Variants in TRPV5 observed in about 807,000 individuals in gnomAD.
The protein encoded by TRPV5 is transient receptor potential cation channel subfamily V member 5.
In TRPV5, 66 loss-of-function variants were observed where a neutral mutation model predicts 74.1. The ratio of observed to expected loss-of-function variants is 0.89; its 90% CI spans 0.73 to 1.09. TRPV5 has a LOEUF of 1.09. Ranked by LOEUF, TRPV5 falls within the 50% of genes least tolerant of loss-of-function variation. The pLI is 0.00. For synonymous variants in TRPV5, 399 were observed against 360.7 expected (o/e 1.11, Z -1.20); for missense variants, 936 against 930.4 (o/e 1.01, Z -0.08).
At position 142,925,747 on chromosome 7, in the gene TRPV5, A is replaced by C; in HGVS notation, c.910-6T>G. 1.2e-6 allele frequency: 2 copies of C among 1,612,860 alleles called. No homozygotes were observed. Among genetic ancestry groups the C allele is most frequent in the Non-Finnish European group, 1.7e-6 (2 of 1,179,346 alleles). On this transcript the variant is annotated splice_region_variant and splice_polypyrimidine_tract_variant and intron_variant, in intron 7 of 14. Transcript: ENST00000265310. ...TGTTCCAGAATTTGGCGAGCCTGGC[A>C]TGGAAGTAGAGTGAAACTTGGGGTG...
At chr7:142,910,483 A>G (rs1375576319) in intron 13 of TRPV5, among the ~76,000 whole-genome samples, 1 of 152,198 alleles carries the variant, frequency 6.6e-6, no homozygotes, top group Non-Finnish European at 1.5e-5. Flanking sequence ...CATACTGGGG[A>G]CTATTCTAGT....
rs4252386 is a variant in TRPV5, at chr7:142,931,841, A to G, written c.129-1395T>C. 4.8e-3 allele frequency among the ~76,000 whole-genome samples: 723 copies of G among 152,188 alleles called. 4 individuals are homozygous for G. Among genetic ancestry groups the G allele is most frequent in the African/African-American group, 0.016 (685 of 41,530 alleles). ...CTCAGCCTCCCGAGTAGCTGGGACT[A>G]CAGGTGCCCACCACCATGCCTGACT... On this transcript the variant is annotated intron_variant, in intron 1 of 14. Coordinates refer to ENST00000265310, the MANE Select transcript of TRPV5 (RefSeq NM_019841.7).
intron 3 of TRPV5, 69 bp downstream of exon 3, chr7:142,929,989 A>C: frequency 1.2e-6 from 2 of 1,609,634 alleles, no homozygotes; most frequent in Non-Finnish European, 1.7e-6. Flanking sequence ...TCAGAGGCCA[A>C]TTTTAAGAGA....
At chr7:142,909,318 C>A (rs111335833) in intron 14 of TRPV5, among the ~76,000 whole-genome samples, 172 bp downstream of exon 14, 12 of 152,280 alleles carry the variant, frequency 7.9e-5, no homozygotes, top group East Asian at 1.9e-4. Context: ...TGCACACAAC[C>A]TTTTACACGT....
At chr7:142,918,226 T>C (rs1795829411) in intron 8 of TRPV5, among the ~76,000 whole-genome samples, 1 of 152,228 alleles carries the variant, frequency 6.6e-6, no homozygotes, top group African/African-American at 2.4e-5. Context: ...TTCAAGATTT[T>C]TTTTTCTAGA....
intron 8 of TRPV5, chr7:142,925,234 C>A (rs867653240): frequency 3.5e-6 from 2 of 569,988 alleles, no homozygotes; most frequent in African/African-American, 1.9e-5. Flanking sequence ...CACTAAAAAA[C>A]CCTGATACTT....
intron 1 of TRPV5, 140 bp downstream of exon 1, chr7:142,933,192 G>T: frequency 8.4e-7 from 1 of 1,191,994 alleles, no homozygotes; most frequent in Non-Finnish European, 1.2e-6. Flanking sequence ...TAATTAGGTG[G>T]GCTGGAAGGA....
At chr7:142,921,449 T>C (rs1795884671) in intron 8 of TRPV5, among the ~76,000 whole-genome samples, 3 of 152,008 alleles carry the variant, frequency 2.0e-5, no homozygotes, top group Admixed American at 2.0e-4. Context: ...GCCTGGCTAA[T>C]TTTTTGTATT....
intron 1 of TRPV5, 89 bp downstream of exon 1, chr7:142,933,243 A>T: frequency 1.3e-6 from 2 of 1,514,832 alleles, no homozygotes; most frequent in Non-Finnish European, 1.8e-6. Flanking sequence ...ATACACTTCT[A>T]GGGTGCTGTA....
intron 8 of TRPV5, among the ~76,000 whole-genome samples, chr7:142,921,232 A>T (rs1795881353): frequency 2.0e-5 from 3 of 152,162 alleles, no homozygotes; most frequent in Admixed American, 6.5e-5. Context: ...CCTGATGCCA[A>T]TCCCTTCCCT....
intron 9 of TRPV5, 33 bp from the exon 10 acceptor site, chr7:142,915,416 G>T (rs777054476): frequency 6.2e-7 from 1 of 1,609,518 alleles, no homozygotes; most frequent in South Asian, 1.1e-5. Flanking sequence ...AAAATACAAT[G>T]TGGACTGCGG....
chr7:142,933,413 T>C lies in TRPV5; in HGVS notation c.47A>G (p.Gln16Arg). 6.2e-7 allele frequency: 1 copy of C among 1,614,200 alleles called. No individual in the cohort carries two copies. The highest frequency in any genetic ancestry group is 1.1e-5 in the South Asian group (1 of 91,082). ...PKAEGPGSQL[Q>R]KLLPSFLVRE... ...GACCAGAAAGGAGGGCAGAAGTTTC[T>C]GGAGTTGGCTCCCGGGCCCTTCTGC... is the stretch of plus-strand genomic sequence containing the variant. The change falls in exon 1 of 15, where the codon CAG (glutamine) becomes CGG (arginine). Residue 16 changes from glutamine to arginine, a missense_variant. By Grantham distance (43) the Gln-to-Arg change is conservative. Transcript: ENST00000265310.
chr7:142,928,326 T>G (rs1796023985), intron 6 of TRPV5, 92 bp from the exon 7 acceptor site: 1 of 1,355,812 alleles, frequency 7.4e-7, no homozygotes, highest in Admixed American at 1.7e-5. Flanking sequence ...TGCCCACCCC[T>G]TGAGACAGAC....
rs1454621999 is a variant in TRPV5 at position 142,908,373 on chromosome 7, T to C, written c.*141A>G. The C allele has an allele frequency of 3.4e-6, 3 of 884,998 alleles. No homozygotes were observed. Among genetic ancestry groups the C allele is most frequent in the Non-Finnish European group, 5.2e-6 (3 of 578,104 alleles). The allele number at this position is 884,998 out of a possible 1,614,324, so 54.8% of individuals were successfully genotyped here. A position where few individuals can be genotyped will look rare whatever the true frequency, so the allele number is the denominator to read the frequency against. On this transcript the variant is annotated 3_prime_UTR_variant, in exon 15 of 15. Transcript: ENST00000265310. ...AAATTCTGATGTGAAGTGTGAGGCATGACCCTTTAGGGATTGTTCTGTCTC... is the reference window on the plus strand; with the variant it reads ...AAATTCTGATGTGAAGTGTGAGGCACGACCCTTTAGGGATTGTTCTGTCTC...
rs1296679950 is a variant in TRPV5 at position 142,908,176 on chromosome 7, C to T, written c.*338G>A. On this transcript the variant is annotated 3_prime_UTR_variant, in exon 15 of 15. Coordinates refer to ENST00000265310, the MANE Select transcript of TRPV5 (RefSeq NM_019841.7). ...AAGCCCTGGGGAGCCAGAAAAGCCT[C>T]ACAGCTTACTACTTTCTAGGGGCTG... 3 of 334,550 alleles carry T rather than the reference C, an allele frequency of 9.0e-6. No individual in the cohort carries two copies. The highest frequency in any genetic ancestry group is 4.2e-5 in the African/African-American group (2 of 48,042). 20.7% of individuals were successfully genotyped at this position (334,550 alleles called of 1,614,324 possible).
In TRPV5 at chr7:142,914,895, T is replaced by C. The variant is rs1224508560; in HGVS notation, c.1438A>G (p.Ile480Val). The change falls in exon 11 of 15, where the codon ATC becomes GTC. Residue 480 changes from isoleucine to valine, a missense_variant. Coordinates refer to ENST00000265310, the MANE Select transcript of TRPV5 (RefSeq NM_019841.7). ...RGFQMLGPFT[I>V]MIQKMIFGDL... is the part of the protein sequence containing the mutation. ...AAAGCACTGACCTTCTGGATCATGA[T>C]GGTGAAGGGACCCAGCATCTGGAAT... 1.2e-5 allele frequency: 20 copies of C among 1,614,078 alleles called. No homozygotes were observed. The highest frequency in any genetic ancestry group is 3.3e-4 in the Middle Eastern group (2 of 6,062).
Position 142,930,397 on chromosome 7 carries a change from C to G in TRPV5, c.178G>C (p.Val60Leu), listed in dbSNP as rs775564529. The G allele has an allele frequency of 9.9e-6, 16 of 1,614,038 alleles. No homozygotes were observed. The highest frequency in any genetic ancestry group is 1.4e-5 in the Non-Finnish European group (16 of 1,180,012). Residue 60 changes from valine (V) to leucine (L), a missense_variant, in exon 2 of 15, where the codon GTT becomes CTT. Physicochemically the swap from Val to Leu is conservative, Grantham distance 32. Coordinates refer to ENST00000265310, the MANE Select transcript of TRPV5 (RefSeq NM_019841.7). ...LRASKENDLS[V>L]LRQLLLDCTC... ...CAGTCCAGTAGAAGTTGCCTAAGAACAGACAGGTCATTTTCCTTGGATGCT... is the reference window on the plus strand; with the variant it reads ...CAGTCCAGTAGAAGTTGCCTAAGAAGAGACAGGTCATTTTCCTTGGATGCT...
rs1795716140 is a variant in TRPV5 at position 142,912,496 on chromosome 7, G to T, written c.1774C>A (p.Leu592Ile). The part of the protein sequence containing the change: ...HWRVAQERDE[L>I]WRAQVVATTV... The stretch of plus-strand genomic sequence containing the variant: ...AATAAACTCACCTGGGCCCTCCAGA[G>T]CTCATCCCTCTCCTGGGCCACCCTC... Residue 592 changes from leucine to isoleucine, a missense_variant, in exon 13 of 15, where the codon CTC (leucine) becomes ATC (isoleucine). Leu to Ile is a conservative substitution (Grantham distance 5). Coordinates refer to ENST00000265310, the MANE Select transcript of TRPV5 (RefSeq NM_019841.7). 12 of 1,614,048 alleles carry T rather than the reference G, an allele frequency of 7.4e-6. No individual in the cohort carries two copies. The highest frequency in any genetic ancestry group is 1.0e-5 in the Non-Finnish European group (12 of 1,179,890).
intron 13 of TRPV5, among the ~76,000 whole-genome samples, chr7:142,910,254 C>G (rs1795681936): frequency 6.6e-6 from 1 of 152,092 alleles, no homozygotes; most frequent in Non-Finnish European, 1.5e-5. Context: ...AAATCATTAA[C>G]AAGAAATTTA....
Sources: allele counts gnomAD v4.1 joint callset (sites outside exome capture counted in the v4.1 genomes callset), GRCh38; gene constraint gnomAD v4.1.1; transcripts MANE v1.5; gene names NCBI Gene and HGNC (gene_info 2026-07-23, HGNC 2026-07-21).